IRGM: variants seen among roughly 807,000 people sequenced by gnomAD.
IRGM encodes immunity related GTPase M.
For synonymous variants in IRGM, 98 were observed against 80.6 expected (o/e 1.22, Z -1.16); for missense variants, 288 against 219.9 (o/e 1.31, Z -1.96).
At chr5:150,853,441 A>G (rs547210306), downstream of IRGM, among the ~76,000 whole-genome samples, 111 of 152,220 alleles carry the variant, frequency 7.3e-4, no homozygotes, top group African/African-American at 2.2e-3. Context: ...CATGTGTCCA[A>G]TTGGTCTGCA....
At chr5:150,865,591 C>T (rs1754196580) in intron 1 of IRGM, among the ~76,000 whole-genome samples, 1 of 152,146 alleles carries the variant, frequency 6.6e-6, no homozygotes, top group African/African-American at 2.4e-5. Context: ...CTAAAATAGA[C>T]TTCATTGGGG....
At position 150,892,159 on chromosome 5, in the gene IRGM, G is replaced by A. The variant is rs530743715; in HGVS notation, c.*141-8430G>A. 1.6e-4 allele frequency among the ~76,000 whole-genome samples: 24 copies of A among 151,506 alleles called. No homozygotes were observed. The South Asian group carries it at 4.0e-3, about 25-fold the overall frequency. Reference sequence around the variant, plus strand: ...TCATTTTTGAACACTAAAACATAAGGATTAAGATTAAATTTTTTATTAAAT... The same window carrying A: ...TCATTTTTGAACACTAAAACATAAGAATTAAGATTAAATTTTTTATTAAAT... On this transcript the variant is annotated intron_variant and NMD_transcript_variant, in intron 3 of 3. Coordinates refer to the IRGM transcript ENST00000520549.
chr5:150,897,929 G>C, intron 3 of IRGM: 1 of 1,020,516 alleles, frequency 9.8e-7, no homozygotes, highest in Non-Finnish European at 1.4e-6. Context: ...CCTCTGAAAG[G>C]CTTCACAATT....
chr5:150,887,753 C>T (rs961134249), intron 3 of IRGM, among the ~76,000 whole-genome samples: 2 of 151,708 alleles, frequency 1.3e-5, no homozygotes, highest in African/African-American at 4.8e-5. Flanking sequence ...GACCTCTCAG[C>T]TGAAACCTTA....
At chr5:150,891,641 G>A (rs1379403947) in intron 3 of IRGM, among the ~76,000 whole-genome samples, 1 of 152,052 alleles carries the variant, frequency 6.6e-6, no homozygotes, top group Non-Finnish European at 1.5e-5. Flanking sequence ...GCCACTTCAT[G>A]TATAGTAAAA....
At chr5:150,848,720 C>T (rs148812470), downstream of IRGM, 674 of 1,320,104 alleles carry the variant, frequency 5.1e-4, 2 homozygotes, top group African/African-American at 8.7e-3. Flanking sequence ...TTCCTTTTCT[C>T]CTTTATTTCA....
intron 3 of IRGM, among the ~76,000 whole-genome samples, chr5:150,891,522 C>T (rs6579806): frequency 0.21 from 31,753 of 151,838 alleles, 5,353 homozygotes; most frequent in African/African-American, 0.45. Context: ...GTTATGATTA[C>T]TTCTCTTCTT....
intron 3 of IRGM, among the ~76,000 whole-genome samples, chr5:150,899,176 C>T (rs1754906589): frequency 1.3e-5 from 2 of 152,084 alleles, no homozygotes; most frequent in South Asian, 2.1e-4. Context: ...TTTTGGACTT[C>T]TAGCCTCCAG....
At chr5:150,875,768 C>A (rs1754354421) in intron 1 of IRGM, among the ~76,000 whole-genome samples, 1 of 152,208 alleles carries the variant, frequency 6.6e-6, no homozygotes, top group African/African-American at 2.4e-5. Context: ...CCCAATTTGC[C>A]AGCAGCAGAG....
Position 150,870,117 on chromosome 5 carries a change from T to C in IRGM, c.159-7863T>C, listed in dbSNP as rs560341978. ...AAAGGGAAATTTGCAGTAAGATGTA[T>C]ACTTACATTGGTGCAAAAGTAATTG... On this transcript the variant is annotated intron_variant and NMD_transcript_variant, in intron 1 of 3. Transcript: ENST00000520549. Among the ~76,000 whole-genome samples the C allele has an allele frequency of 3.3e-5, 5 of 152,292 alleles. No individual in the cohort carries two copies. In the South Asian group the frequency reaches 1.0e-3, roughly 32 times the overall value.
chr5:150,896,914 G>A (rs1163808401), intron 3 of IRGM: 2 of 1,613,414 alleles, frequency 1.2e-6, no homozygotes, highest in Admixed American at 3.3e-5. Context: ...AGTATCTTAT[G>A]ATGGAAGGAA....
At chr5:150,898,266 A>T in intron 3 of IRGM, 1 of 1,596,734 alleles carries the variant, frequency 6.3e-7, no homozygotes, top group Non-Finnish European at 8.6e-7. Context: ...GGTCTACAAT[A>T]AAGCTGTCCA....
chr5:150,858,443 T>G (rs986296371), intron 1 of IRGM, among the ~76,000 whole-genome samples: 5 of 152,178 alleles, frequency 3.3e-5, no homozygotes, highest in African/African-American at 1.2e-4. Context: ...TTTAAAGTAG[T>G]TTTTTCCAAT....
At position 150,848,523 on chromosome 5, in the gene IRGM, G is replaced by T; in HGVS notation, c.400G>T (p.Ala134Ser). 1.3e-6 allele frequency: 2 copies of T among 1,551,780 alleles called. No individual in the cohort carries two copies. Among genetic ancestry groups the T allele is most frequent in the Non-Finnish European group, 8.7e-7 (1 of 1,146,970 alleles). Residue 134 changes from alanine to serine, a missense_variant, in exon 2 of 2, where the codon GCT becomes TCT. Ala to Ser is a moderately conservative substitution (Grantham distance 99). Transcript: ENST00000522154. ...GAATCATGTGATGCTTGCCAAAACC[G>T]CTGAGGACATGGGAAAGAAGTTCTA... is the stretch of plus-strand genomic sequence containing the variant. ...SMNHVMLAKT[A>S]EDMGKKFYIV...
chr5:150,861,345 G>C (rs1178606909), intron 1 of IRGM, among the ~76,000 whole-genome samples: 1 of 152,150 alleles, frequency 6.6e-6, no homozygotes, highest in Non-Finnish European at 1.5e-5. Flanking sequence ...TTGGGGGCTG[G>C]ATCCTAGGAG....
Position 150,862,608 on chromosome 5 carries a change from C to T in IRGM, c.158+13954C>T, listed in dbSNP as rs1336095675. ...GCCACCTTCTCTTTTATTCTCTCCCCAAGCAAGTTCTTAGATATTCATCAG... is the reference window on the plus strand; with the variant it reads ...GCCACCTTCTCTTTTATTCTCTCCCTAAGCAAGTTCTTAGATATTCATCAG... On this transcript the variant is annotated intron_variant and NMD_transcript_variant, in intron 1 of 3. Coordinates refer to the IRGM transcript ENST00000520549. Among the ~76,000 whole-genome samples the T allele has an allele frequency of 2.6e-5, 4 of 152,172 alleles. No individual in the cohort carries two copies. In the East Asian group the frequency reaches 5.8e-4, roughly 22 times the overall value.
chr5:150,848,215 G>A lies in IRGM; in HGVS notation c.92G>A (p.Arg31Lys). The A allele has an allele frequency of 1.9e-6, 3 of 1,551,742 alleles. No individual in the cohort carries two copies. The highest frequency in any genetic ancestry group is 1.2e-5 in the South Asian group (1 of 84,056). Reference sequence around the variant, plus strand: ...AAGGAGACTCTGAAGATAGTGTCCAGGACACCAGTTAACATCACTATGGCA... The same window carrying A: ...AAGGAGACTCTGAAGATAGTGTCCAAGACACCAGTTAACATCACTATGGCA... The part of the protein sequence containing the change: ...NIKETLKIVS[R>K]TPVNITMAGD... Residue 31 changes from arginine to lysine, a missense_variant, in exon 2 of 2, where the codon AGG becomes AAG. Physicochemically the swap from Arg to Lys is conservative, Grantham distance 26. Transcript: ENST00000522154.
chr5:150,849,609 T>C (rs201455307), downstream of IRGM, among the ~76,000 whole-genome samples: 148 of 109,000 alleles, frequency 1.4e-3, 1 homozygote, highest in East Asian at 5.1e-3. Flanking sequence ...TTCTCTCTTT[T>C]TTTTTTTTTT....
intron 1 of IRGM, among the ~76,000 whole-genome samples, chr5:150,860,193 G>A (rs1754117116): frequency 6.6e-6 from 1 of 152,096 alleles, no homozygotes; most frequent in African/African-American, 2.4e-5. Context: ...TAACATTTTT[G>A]TACCTTATAA....
Sources: allele counts gnomAD v4.1 joint callset (sites outside exome capture counted in the v4.1 genomes callset), GRCh38; gene constraint gnomAD v4.1.1; transcripts MANE v1.5; gene names NCBI Gene and HGNC (gene_info 2026-07-23, HGNC 2026-07-21).